CEP128: variants seen among roughly 807,000 people sequenced by gnomAD.
CEP128 encodes centrosomal protein 128, also known as centrosomal protein 128kDa.
CEP128 carries 132 observed loss-of-function variants against 156.7 expected under a neutral mutation model. The ratio of observed to expected loss-of-function variants is 0.84; its 90% CI spans 0.73 to 0.97. The LOEUF is 0.97. Among genes scored for constraint, CEP128 ranks in the 50% least tolerant of loss-of-function variants. The pLI, the probability that CEP128 is intolerant of heterozygous loss-of-function variation, is 0.00. For synonymous variants in CEP128, 469 were observed against 448.9 expected, an observed-to-expected ratio of 1.04 and a Z score of -0.57; for missense variants, 1,252 against 1,281.9, an observed-to-expected ratio of 0.98 and a Z score of 0.36.
chr14:80,782,692 A>G (rs1901189246), intron 15 of CEP128, among the ~76,000 whole-genome samples: 2 of 152,076 alleles, frequency 1.3e-5, no homozygotes, highest in Non-Finnish European at 2.9e-5. Flanking sequence ...TGAATGCTAT[A>G]TACTCTTATT....
chr14:80,556,895 T>A (rs1408748011), intron 21 of CEP128, among the ~76,000 whole-genome samples: 1 of 152,190 alleles, frequency 6.6e-6, no homozygotes, highest in African/African-American at 2.4e-5. Context: ...ACTTTATCAG[T>A]TGAAGAGTCT....
rs191782444 is a variant in CEP128, at chr14:80,806,398, T to C, written c.1210-13288A>G. 7.2e-5 allele frequency among the ~76,000 whole-genome samples: 11 copies of C among 152,330 alleles called. No individual in the cohort carries two copies. In the East Asian group the frequency reaches 2.1e-3, roughly 29 times the overall value. On this transcript the variant is annotated intron_variant, in intron 13 of 24. Transcript: ENST00000555265. ...CTACATGGAAGATTTTAAATACACA[T>C]TTCTTCAGAGTGTTTAACTTAAAAC...
At chr14:80,711,892 T>C (rs1444281901) in intron 19 of CEP128, among the ~76,000 whole-genome samples, 1 of 152,024 alleles carries the variant, frequency 6.6e-6, no homozygotes, top group Non-Finnish European at 1.5e-5. Flanking sequence ...AAATAAAAAA[T>C]TCGAGTGAAA....
At chr14:80,940,068 C>T (rs1886061054) in intron 1 of CEP128, among the ~76,000 whole-genome samples, 2 of 152,220 alleles carry the variant, frequency 1.3e-5, no homozygotes, top group East Asian at 3.9e-4. Flanking sequence ...ATTGTGACTG[C>T]TTTCAAAGCA....
intron 19 of CEP128, among the ~76,000 whole-genome samples, chr14:80,629,260 T>C (rs1028633262): frequency 1.1e-4 from 17 of 152,172 alleles, no homozygotes; most frequent in African/African-American, 3.9e-4. Flanking sequence ...AACTCAGTCT[T>C]CTGAGACTGG....
chr14:80,597,966 A>ACC (rs200033169), intron 19 of CEP128, among the ~76,000 whole-genome samples: 1 of 144,810 alleles, frequency 6.9e-6, no homozygotes, highest in East Asian at 2.0e-4. Flanking sequence ...AAAAAAAAAA[A>ACC]AAAACAAAAC....
chr14:80,538,699 CCACTT>C (rs1889599740), intron 21 of CEP128, among the ~76,000 whole-genome samples: 1 of 152,192 alleles, frequency 6.6e-6, no homozygotes, highest in Non-Finnish European at 1.5e-5. Context: ...ATCATCAACT[CCACTT>C]CATTATTTTT....
intron 13 of CEP128, among the ~76,000 whole-genome samples, chr14:80,799,197 A>AC (rs1441319250): frequency 1.3e-5 from 2 of 152,162 alleles, no homozygotes; most frequent in African/African-American, 4.8e-5. Context: ...GAAGTCAGGG[A>AC]CCCCAAACGG....
At chr14:80,695,987 G>C (rs1414414033) in intron 19 of CEP128, among the ~76,000 whole-genome samples, 2 of 151,958 alleles carry the variant, frequency 1.3e-5, no homozygotes, top group Admixed American at 1.3e-4. Context: ...GAACAGACTG[G>C]GTGACAGTAA....
intron 9 of CEP128, among the ~76,000 whole-genome samples, chr14:80,861,066 A>C (rs1234451694): frequency 6.6e-6 from 1 of 152,044 alleles, no homozygotes; most frequent in Non-Finnish European, 1.5e-5. Flanking sequence ...AATATAATAA[A>C]ATAAAAATCC....
In CEP128 at chr14:80,619,506, C is replaced by A. The variant is rs190287151; in HGVS notation, c.2807-39083G>T. 3.3e-5 allele frequency among the ~76,000 whole-genome samples: 5 copies of A among 151,662 alleles called. No homozygotes were observed. The East Asian group carries it at 7.8e-4, about 24-fold the overall frequency. On this transcript the variant is annotated intron_variant, in intron 19 of 24. Coordinates refer to ENST00000555265, the MANE Select transcript of CEP128 (RefSeq NM_152446.5). ...CCTGAGGTCAGGAGTTCAAGACCAG[C>A]CCGGCCACCACGGTGAAACCTCATC...
intron 19 of CEP128, among the ~76,000 whole-genome samples, chr14:80,660,354 GTAT>G (rs528358365): frequency 6.6e-6 from 1 of 152,058 alleles, no homozygotes; most frequent in Admixed American, 6.6e-5. Context: ...TTTGCTTATT[GTAT>G]TATGAGTTCT....
intron 3 of CEP128, 118 bp from the exon 4 acceptor site, chr14:80,914,526 G>T (rs28658278): frequency 2.8e-6 from 2 of 711,856 alleles, no homozygotes; most frequent in Non-Finnish European, 2.5e-6. Context: ...TTTTATCATG[G>T]CTGAGTTGAA....
At chr14:80,873,683 G>A (rs536456679) in intron 8 of CEP128, among the ~76,000 whole-genome samples, 95 of 152,172 alleles carry the variant, frequency 6.2e-4, no homozygotes, top group African/African-American at 2.2e-3. Flanking sequence ...ATATAATTTG[G>A]TGGTGTCCCC....
intron 8 of CEP128, among the ~76,000 whole-genome samples, chr14:80,875,338 T>C (rs962686648): frequency 6.6e-6 from 1 of 152,224 alleles, no homozygotes; most frequent in African/African-American, 2.4e-5. Context: ...AATAAATGTC[T>C]ATATTCTCAT....
chr14:80,830,034 C>A (rs1264218278), intron 13 of CEP128: 1 of 381,724 alleles, frequency 2.6e-6, no homozygotes, highest in South Asian at 7.6e-5. Context: ...ATCTATCCAA[C>A]ATACTTTCTT....
chr14:80,677,347 T>TA (rs1380576182), intron 19 of CEP128, among the ~76,000 whole-genome samples: 5 of 151,634 alleles, frequency 3.3e-5, no homozygotes, highest in Non-Finnish European at 4.4e-5. Context: ...CCGTATCTGC[T>TA]AAAAAACAAA....
chr14:80,658,433 A>G (rs892093611), intron 19 of CEP128, among the ~76,000 whole-genome samples: 11 of 152,202 alleles, frequency 7.2e-5, no homozygotes, highest in African/African-American at 2.4e-4. Flanking sequence ...ATCAAAGCCA[A>G]TTCTTGGCCT....
intron 19 of CEP128, among the ~76,000 whole-genome samples, chr14:80,695,259 T>C (rs1451771241): frequency 6.6e-6 from 1 of 152,058 alleles, no homozygotes; most frequent in East Asian, 1.9e-4. Context: ...TTGGGAAACA[T>C]CTGCTCAGAA....
Sources: gnomAD v4.1 joint callset for allele counts (sites outside exome capture counted in the v4.1 genomes callset) on GRCh38, gnomAD v4.1.1 for gene constraint, MANE v1.5 for transcripts, NCBI Gene and HGNC (gene_info 2026-07-23, HGNC 2026-07-21) for gene names.